The following ANKRD36B variants were observed in gnomAD, a reference collection of about 807,000 sequenced individuals.
ANKRD36B encodes the protein ankyrin repeat domain-containing protein 36B.
A neutral mutation model predicts 135.7 loss-of-function variants in ANKRD36B; 37 were observed. That is an observed-to-expected ratio of 0.27 (90% CI 0.21 to 0.36). The LOEUF is 0.36. ANKRD36B is among the 10% of genes least tolerant of loss of function. The pLI is 1.00. For synonymous variants in ANKRD36B, 179 were observed against 348.1 expected, an observed-to-expected ratio of 0.51 and a Z score of 5.41; for missense variants, 549 against 1,037.1, an observed-to-expected ratio of 0.53 and a Z score of 6.46.
intron 1 of ANKRD36B, among the ~76,000 whole-genome samples, chr2:97,586,598 G>A (rs1212466120): frequency 6.6e-6 from 1 of 152,094 alleles, no homozygotes; most frequent in South Asian, 2.1e-4. Flanking sequence ...TTGAAAGAAT[G>A]CATACATACA....
intron 24 of ANKRD36B, 89 bp downstream of exon 24, chr2:97,545,577 T>C (rs1576905182): frequency 2.8e-6 from 2 of 715,502 alleles, no homozygotes; most frequent in East Asian, 5.8e-5. Context: ...AACATGAAGA[T>C]TTGACGAACC....
At position 97,572,670 on chromosome 2, in the gene ANKRD36B, A is replaced by G. The variant is rs180828499; in HGVS notation, c.763+3709T>C. On this transcript the variant is annotated intron_variant, in intron 6 of 43. Coordinates refer to ENST00000359901, the MANE Select transcript of ANKRD36B (RefSeq NM_001393939.1). ...AGGTAGCTAATTCTCTTAAAAGAAA[A>G]TCCTATATAGTTGTCAAAAATACCT... 3.8e-3 allele frequency among the ~76,000 whole-genome samples: 582 copies of G among 151,206 alleles called. 3 individuals carry two copies. Among genetic ancestry groups the G allele is most frequent in the African/African-American group, 0.012 (487 of 41,300 alleles).
intron 22 of ANKRD36B, among the ~76,000 whole-genome samples, chr2:97,546,754 G>T (rs1272218968): frequency 1.3e-5 from 2 of 151,692 alleles, no homozygotes; most frequent in African/African-American, 2.4e-5. Flanking sequence ...GAAGTTTCAT[G>T]AAATAGCTAT....
intron 6 of ANKRD36B, among the ~76,000 whole-genome samples, chr2:97,575,640 C>A (rs1360882037): frequency 1.1e-5 from 1 of 91,516 alleles, no homozygotes; most frequent in Non-Finnish European, 2.9e-5. Flanking sequence ...ATGGTTTTCA[C>A]AGGAAAAGAT....
intron 16 of ANKRD36B, among the ~76,000 whole-genome samples, chr2:97,552,849 C>G (rs1056049827): frequency 6.6e-6 from 1 of 151,914 alleles, no homozygotes; most frequent in Non-Finnish European, 1.5e-5. Flanking sequence ...TCCTTCCACC[C>G]TTAGTGAAAC....
At chr2:97,527,614 T>C (rs927736633) in intron 35 of ANKRD36B, among the ~76,000 whole-genome samples, 2 of 95,866 alleles carry the variant, frequency 2.1e-5, no homozygotes, top group Admixed American at 9.3e-5. Context: ...ACTGGCAAAT[T>C]GGATAAAGAG....
rs1363602164 is a variant in ANKRD36B at position 97,564,045 on chromosome 2, G to C, written c.764-3185C>G. Among the ~76,000 whole-genome samples, 3 of 151,878 alleles carry C rather than the reference G, an allele frequency of 2.0e-5. No individual in the cohort carries two copies. The East Asian group carries it at 5.8e-4, about 29-fold the overall frequency. Reference sequence around the variant, plus strand: ...CCAAGTTGCAGTCATTTTGTGCACTGTCTGAACTTTTCTACAAGGTTTTAA... The same window carrying C: ...CCAAGTTGCAGTCATTTTGTGCACTCTCTGAACTTTTCTACAAGGTTTTAA... On this transcript the variant is annotated intron_variant, in intron 6 of 43. Transcript: ENST00000359901.
rs960069827 is a variant in ANKRD36B, at chr2:97,551,357, G to A, written c.1307C>T (p.Thr436Ile). The A allele has an allele frequency of 1.9e-6, 3 of 1,596,544 alleles. No homozygotes were observed. The highest frequency in any genetic ancestry group is 2.6e-6 in the Non-Finnish European group (3 of 1,174,112). Residue 436 changes from threonine to isoleucine, a missense_variant, in exon 18 of 44, where the codon ACA (threonine) becomes ATA (isoleucine). Transcript: ENST00000359901. ...SSQKKPALKA[T>I]SDEKDSFSNI... is the part of the protein sequence containing the mutation. ...CGAAAAAGAATCTTTCTCATCACTT[G>A]TGGCCTGAATGGAATTTGAAACAAA...
chr2:97,589,668 C>A lies in ANKRD36B; in HGVS notation c.18G>T (p.Ser6=), dbSNP rs768352194. MERLC[S]DGFAFPHYYI... is the part of the protein sequence containing the mutation. Reference sequence around the variant, plus strand: ...AGTAATGGGGAAATGCGAAGCCATCCGAGCACAAGCGCTCCATGAGGGTGG... The same window carrying A: ...AGTAATGGGGAAATGCGAAGCCATCAGAGCACAAGCGCTCCATGAGGGTGG... Residue 6 remains serine (S), a synonymous_variant, in exon 1 of 44, where the codon TCG becomes TCT. Coordinates refer to ENST00000359901, the MANE Select transcript of ANKRD36B (RefSeq NM_001393939.1). 12 of 1,614,080 alleles carry A rather than the reference C, an allele frequency of 7.4e-6. No homozygotes were observed. Among genetic ancestry groups the A allele is most frequent in the Non-Finnish European group, 1.0e-5 (12 of 1,180,038 alleles).
intron 8 of ANKRD36B, among the ~76,000 whole-genome samples, 151 bp from the exon 9 acceptor site, chr2:97,559,145 T>C (rs570919611): frequency 1.4e-3 from 218 of 151,886 alleles, no homozygotes; most frequent in African/African-American, 5.0e-3. Context: ...GACTGGAACA[T>C]GACAGAAATA....
At chr2:97,581,545 T>A (rs2082633585) in intron 3 of ANKRD36B, among the ~76,000 whole-genome samples, 1 of 151,816 alleles carries the variant, frequency 6.6e-6, no homozygotes, top group African/African-American at 2.4e-5. Context: ...GTATGAAATG[T>A]TATTCTCAAT....
chr2:97,569,980 CTG>C (rs1217177953), intron 6 of ANKRD36B, among the ~76,000 whole-genome samples: 8 of 151,948 alleles, frequency 5.3e-5, no homozygotes, highest in Admixed American at 4.6e-4. Flanking sequence ...TAAAACAAAA[CTG>C]AACCATCTAC....
At chr2:97,552,740 G>A (rs1259349797) in intron 16 of ANKRD36B, among the ~76,000 whole-genome samples, 9 of 151,902 alleles carry the variant, frequency 5.9e-5, no homozygotes, top group Non-Finnish European at 1.0e-4. Flanking sequence ...GGTCTCCTTA[G>A]TTCTCATTCT....
intron 39 of ANKRD36B, 142 bp downstream of exon 39, chr2:97,510,996 C>T: frequency 1.8e-6 from 1 of 544,538 alleles, no homozygotes; most frequent in Non-Finnish European, 3.3e-6. Context: ...TTGCTGGAGA[C>T]AAGGAATGTT....
chr2:97,572,358 T>G (rs1240416760), intron 6 of ANKRD36B, among the ~76,000 whole-genome samples: 2 of 145,676 alleles, frequency 1.4e-5, no homozygotes, highest in Non-Finnish European at 3.0e-5. Flanking sequence ...ATATTCCAGC[T>G]AAGTAACAGA....
intron 3 of ANKRD36B, 98 bp from the exon 4 acceptor site, chr2:97,580,666 A>G: frequency 8.7e-7 from 1 of 1,155,844 alleles, no homozygotes; most frequent in Non-Finnish European, 1.2e-6. Context: ...AATATATACA[A>G]TTGAAAGGTC....
intron 35 of ANKRD36B, among the ~76,000 whole-genome samples, chr2:97,529,107 GAA>G (rs1052134356): frequency 2.1e-5 from 2 of 96,166 alleles, no homozygotes; most frequent in African/African-American, 6.3e-5. Flanking sequence ...CCAAAAAAGA[GAA>G]TTTTAGACCA....
intron 6 of ANKRD36B, among the ~76,000 whole-genome samples, chr2:97,575,362 A>G (rs2104141817): frequency 6.6e-6 from 1 of 152,062 alleles, no homozygotes; most frequent in Non-Finnish European, 1.5e-5. Context: ...TCAGATTTGG[A>G]GGGAAGGGAA....
intron 3 of ANKRD36B, among the ~76,000 whole-genome samples, chr2:97,582,607 C>T (rs1041878842): frequency 6.6e-6 from 1 of 152,154 alleles, no homozygotes; most frequent in African/African-American, 2.4e-5. Context: ...TCTCCTAAAC[C>T]TTCCATGTTG....
Sources: gnomAD v4.1 joint callset for allele counts (sites outside exome capture counted in the v4.1 genomes callset) on GRCh38, gnomAD v4.1.1 for gene constraint, MANE v1.5 for transcripts, NCBI Gene and HGNC (gene_info 2026-07-23, HGNC 2026-07-21) for gene names.